The following WDR70 variants were observed in gnomAD, a reference collection of about 807,000 sequenced individuals.
WDR70 encodes the protein WD repeat-containing protein 70.
A neutral mutation model predicts 88.6 loss-of-function variants in WDR70; 53 were observed. The ratio of observed to expected loss-of-function variants is 0.60; its 90% confidence interval spans 0.48 to 0.75. The LOEUF (loss-of-function observed/expected upper bound fraction) is 0.75. Among genes scored for constraint, WDR70 ranks in the 30% least tolerant of loss-of-function variants. The probability of loss-of-function intolerance (pLI) is 0.00; values close to 1 mark genes in which losing one functional copy is unlikely to be tolerated. For synonymous variants in WDR70, 280 were observed against 270.0 expected, an observed-to-expected ratio of 1.04 and a Z score of -0.36; for missense variants, 610 against 823.2, an observed-to-expected ratio of 0.74 and a Z score of 3.17.
Position 37,739,500 on chromosome 5 carries a change from A to G in WDR70, c.1877+12455A>G, listed in dbSNP as rs778539891. On this transcript the variant is annotated intron_variant, in intron 17 of 17. Coordinates refer to ENST00000265107, the MANE Select transcript of WDR70 (RefSeq NM_018034.4). ...GTTAGCTAGAAGACACAGAATGGGT[A>G]GGTGACAGAATTGCTTTCTGGAAGT... Among the ~76,000 whole-genome samples, 20 of 152,354 alleles carry G rather than the reference A, an allele frequency of 1.3e-4. No individual in the cohort carries two copies. In the Middle Eastern group the frequency reaches 0.014, roughly 104 times the overall value.
intron 10 of WDR70, among the ~76,000 whole-genome samples, chr5:37,646,551 G>A (rs1033483005): frequency 6.6e-6 from 1 of 152,108 alleles, no homozygotes; most frequent in African/African-American, 2.4e-5. Context: ...CAGGTCTAGT[G>A]TTGATCATGA....
intron 6 of WDR70, among the ~76,000 whole-genome samples, chr5:37,441,173 G>A (rs752644160): frequency 3.3e-5 from 5 of 152,296 alleles, no homozygotes; most frequent in South Asian, 2.1e-4. Context: ...CATAATGAAC[G>A]TAGAGGCAAG....
intron 10 of WDR70, among the ~76,000 whole-genome samples, chr5:37,697,259 GTAAA>G (rs1430888901): frequency 1.3e-5 from 2 of 152,166 alleles, no homozygotes; most frequent in African/African-American, 4.8e-5. Flanking sequence ...ATATTTTGGG[GTAAA>G]TAAATAATGT....
chr5:37,516,454 G>T, intron 8 of WDR70, 60 bp from the exon 9 acceptor site: 1 of 994,866 alleles, frequency 1.0e-6, no homozygotes, highest in Non-Finnish European at 1.5e-6. Flanking sequence ...TCAGTTTCTA[G>T]TCAGTTTATT....
In WDR70 at chr5:37,747,109, G is replaced by T. The variant is rs369749802; in HGVS notation, c.1878-5377G>T. On this transcript the variant is annotated intron_variant, in intron 17 of 17. Coordinates refer to ENST00000265107, the MANE Select transcript of WDR70 (RefSeq NM_018034.4). ...GCTTCATCCCTGGGATGCAAGGCTGGTTCAACATACGTAAATCAATAAACA... is the reference window on the plus strand; with the variant it reads ...GCTTCATCCCTGGGATGCAAGGCTGTTTCAACATACGTAAATCAATAAACA... 1.0e-3 allele frequency among the ~76,000 whole-genome samples: 156 copies of T among 152,192 alleles called. 2 individuals carry two copies. The South Asian group carries it at 0.032, about 31-fold the overall frequency.
intron 10 of WDR70, among the ~76,000 whole-genome samples, chr5:37,676,016 C>G (rs1346480601): frequency 6.7e-6 from 1 of 148,728 alleles, no homozygotes; most frequent in Non-Finnish European, 1.5e-5. Context: ...GGAGTTCACT[C>G]ATGATTTGGC....
At chr5:37,647,138 G>T (rs1589119) in intron 10 of WDR70, among the ~76,000 whole-genome samples, 87,182 of 151,874 alleles carry the variant, frequency 0.57, 25,196 homozygotes, top group African/African-American at 0.61. Flanking sequence ...CTTGATCAGT[G>T]CTGCTGTTAA....
At chr5:37,379,984 A>G (rs955358622) in intron 2 of WDR70, among the ~76,000 whole-genome samples, 1 of 152,234 alleles carries the variant, frequency 6.6e-6, no homozygotes, top group Non-Finnish European at 1.5e-5. Context: ...CGTAATACCC[A>G]TCAAAAAACT....
At chr5:37,413,535 A>C (rs1749591083) in intron 5 of WDR70, among the ~76,000 whole-genome samples, 2 of 151,662 alleles carry the variant, frequency 1.3e-5, no homozygotes, top group South Asian at 2.1e-4. Context: ...ATCCTGGCGA[A>C]TATGGTGAAT....
chr5:37,643,915 T>A (rs1745167201), intron 10 of WDR70, among the ~76,000 whole-genome samples: 1 of 152,138 alleles, frequency 6.6e-6, no homozygotes, highest in Admixed American at 6.5e-5. Context: ...AAATATAAGA[T>A]TATGTCATCT....
intron 5 of WDR70, among the ~76,000 whole-genome samples, chr5:37,405,601 T>C (rs1427545843): frequency 6.6e-6 from 1 of 152,136 alleles, no homozygotes; most frequent in Non-Finnish European, 1.5e-5. Context: ...CTATAAACAG[T>C]TAATTGTCCC....
chr5:37,631,765 T>C (rs2112525360), intron 10 of WDR70, among the ~76,000 whole-genome samples: 1 of 152,308 alleles, frequency 6.6e-6, no homozygotes, highest in South Asian at 2.1e-4. Flanking sequence ...GTAGTGACTC[T>C]AGAGGGCTCA....
chr5:37,622,483 G>C (rs1333550212), intron 10 of WDR70, among the ~76,000 whole-genome samples: 1 of 151,976 alleles, frequency 6.6e-6, no homozygotes, highest in South Asian at 2.1e-4. Flanking sequence ...CAAAGACTTG[G>C]AACCAAGCCA....
chr5:37,397,752 T>C (rs1339823908), intron 5 of WDR70, among the ~76,000 whole-genome samples: 1 of 152,154 alleles, frequency 6.6e-6, no homozygotes, highest in East Asian at 1.9e-4. Context: ...CCCAGCACTT[T>C]GGGAGGCTGA....
At chr5:37,496,462 C>T (rs1740217716) in intron 8 of WDR70, among the ~76,000 whole-genome samples, 2 of 152,186 alleles carry the variant, frequency 1.3e-5, no homozygotes, top group South Asian at 4.1e-4. Context: ...GGAACAAACT[C>T]CGGACACACC....
chr5:37,706,328 C>T (rs374651774), intron 13 of WDR70, among the ~76,000 whole-genome samples: 1 of 152,098 alleles, frequency 6.6e-6, no homozygotes, highest in Non-Finnish European at 1.5e-5. Flanking sequence ...TTAGACATTC[C>T]CTTGTAGTCT....
intron 5 of WDR70, among the ~76,000 whole-genome samples, chr5:37,431,374 T>A (rs1211975220): frequency 3.9e-5 from 6 of 152,144 alleles, no homozygotes; most frequent in Admixed American, 1.3e-4. Context: ...TCTTATATAA[T>A]TCCTCTTTTT....
intron 9 of WDR70, among the ~76,000 whole-genome samples, chr5:37,586,156 T>C (rs1478775195): frequency 5.3e-5 from 8 of 152,186 alleles, no homozygotes; most frequent in Admixed American, 4.6e-4. Context: ...CATTCCTCTT[T>C]GTCTTGGCCA....
chr5:37,637,432 G>A (rs1745004034), intron 10 of WDR70, among the ~76,000 whole-genome samples: 1 of 151,790 alleles, frequency 6.6e-6, no homozygotes, highest in African/African-American at 2.4e-5. Context: ...TACCCTTGTT[G>A]GTGTCAACAT....
Sources: gnomAD v4.1 joint callset for allele counts (sites outside exome capture counted in the v4.1 genomes callset) on GRCh38, gnomAD v4.1.1 for gene constraint, MANE v1.5 for transcripts, NCBI Gene and HGNC (gene_info 2026-07-23, HGNC 2026-07-21) for gene names.